The following NRSN1 variants were observed in gnomAD, a reference collection of about 807,000 sequenced individuals.
NRSN1 encodes neurensin 1.
Under a neutral mutation model 17.3 loss-of-function variants are expected in NRSN1, and 14 were observed. The ratio of observed to expected loss-of-function variants is 0.81; its 90% CI spans 0.54 to 1.27. The LOEUF is 1.27. Among genes scored for constraint, NRSN1 ranks in the 50% most tolerant of loss-of-function variants. The probability of loss-of-function intolerance (pLI) is 0.00; values close to 1 mark genes in which losing one functional copy is unlikely to be tolerated. For missense variants in NRSN1, 209 were observed against 235.9 expected, an observed-to-expected ratio of 0.89 and a Z score of 0.75; for synonymous variants, 79 against 94.2, an observed-to-expected ratio of 0.84 and a Z score of 0.93.
intron 3 of NRSN1, among the ~76,000 whole-genome samples, chr6:24,138,281 C>T (rs1166636812): frequency 6.6e-6 from 1 of 152,204 alleles, no homozygotes; most frequent in African/African-American, 2.4e-5. Context: ...ATTTATCCCA[C>T]TGCCTGCAGC....
chr6:24,141,302 C>T lies in NRSN1; in HGVS notation c.190-4246C>T, dbSNP rs546731525. 1.8e-4 allele frequency: 220 copies of T among 1,208,878 alleles called. 1 individual carries two copies. Among genetic ancestry groups the T allele is most frequent in the Non-Finnish European group, 7.2e-6 (7 of 966,320 alleles). 74.9% of individuals were successfully genotyped at this position (1,208,878 alleles called of 1,614,324 possible). On this transcript the variant is annotated intron_variant, in intron 3 of 3. Coordinates refer to ENST00000378491, the MANE Select transcript of NRSN1 (RefSeq NM_080723.5). ...TTATGATACTGTATGGAATTGCTCC[C>T]TCAATTTTTATCCTTTCCAGTACTC... is the stretch of plus-strand genomic sequence containing the variant.
chr6:24,134,599 G>C (rs933204108), intron 3 of NRSN1, 83 bp downstream of exon 3: 6 of 1,108,786 alleles, frequency 5.4e-6, no homozygotes, highest in Non-Finnish European at 8.0e-6. Context: ...GGATGGAGAG[G>C]TTTAGTACTC....
chr6:24,134,312 A>T lies in NRSN1; in HGVS notation c.-9-7A>T. 1 of 1,612,016 alleles carries T rather than the reference A, an allele frequency of 6.2e-7. No homozygotes were observed. Among genetic ancestry groups the T allele is most frequent in the Non-Finnish European group, 8.5e-7 (1 of 1,178,864 alleles). On this transcript the variant is annotated splice_polypyrimidine_tract_variant and splice_region_variant and intron_variant, in intron 2 of 3. Coordinates refer to ENST00000378491, the MANE Select transcript of NRSN1 (RefSeq NM_080723.5). ...GGCATTAATCCATGTGGATGTTGTC[A>T]TTCCAGCTGGGAAGGATGAGTTCTT...
intron 2 of NRSN1, chr6:24,128,672 T>G (rs1759987341): frequency 6.6e-6 from 1 of 152,216 alleles, no homozygotes; most frequent in Admixed American, 6.5e-5. Context: ...TGGTGTTGAA[T>G]AAGTGGTCTA....
chr6:24,136,715 TCA>T (rs769864355), intron 3 of NRSN1, among the ~76,000 whole-genome samples: 21 of 152,194 alleles, frequency 1.4e-4, no homozygotes, highest in Non-Finnish European at 2.2e-4. Flanking sequence ...AACAAATAAC[TCA>T]CAGTGAATTA....
rs557138414 is a variant in NRSN1 at position 24,146,890 on chromosome 6, A to G, written c.*944A>G. ...GGAAATTATTTAACCTCTCAGTCCT[A>G]ATTTTCCCCTTCTGTATAATGGGAG... On this transcript the variant is annotated 3_prime_UTR_variant, in exon 4 of 4. Transcript: ENST00000378491. 1 of 152,356 alleles carries G rather than the reference A, an allele frequency of 6.6e-6. No individual in the cohort carries two copies. Among genetic ancestry groups the G allele is most frequent in the South Asian group, 2.1e-4 (1 of 4,826 alleles). The allele number at this position is 152,356 out of a possible 1,614,324, so 9.4% of individuals were successfully genotyped here. A position where few individuals can be genotyped will look rare whatever the true frequency, so the allele number is the denominator to read the frequency against.
chr6:24,129,601 G>A (rs1360639091), intron 2 of NRSN1: 1 of 152,188 alleles, frequency 6.6e-6, no homozygotes, highest in Non-Finnish European at 1.5e-5. Context: ...ATGGAACGCT[G>A]ATATTTAGAT....
intron 3 of NRSN1, among the ~76,000 whole-genome samples, chr6:24,142,676 C>G (rs1047067607): frequency 3.3e-5 from 5 of 152,114 alleles, no homozygotes; most frequent in Non-Finnish European, 7.4e-5. Flanking sequence ...TCAGGCTTGT[C>G]TTGTGTCCAG....
At chr6:24,138,324 T>C (rs1760147604) in intron 3 of NRSN1, among the ~76,000 whole-genome samples, 2 of 152,308 alleles carry the variant, frequency 1.3e-5, no homozygotes, top group South Asian at 4.1e-4. Context: ...TGTAACACAG[T>C]CCCATCACCC....
chr6:24,143,416 C>T (rs1159260597), intron 3 of NRSN1, among the ~76,000 whole-genome samples: 1 of 152,208 alleles, frequency 6.6e-6, no homozygotes, highest in African/African-American at 2.4e-5. Flanking sequence ...AGCATTAGTG[C>T]AGGTCATAAT....
chr6:24,142,191 C>CCTTTTTTTTTTTTTTTT (rs1554140616), intron 3 of NRSN1, among the ~76,000 whole-genome samples: 1 of 44,446 alleles, frequency 2.2e-5, no homozygotes, highest in Non-Finnish European at 4.2e-5. Flanking sequence ...TACAGAACAG[C>CCTTTTTTTTTTTTTTTT]TTTTTTTTTT....
rs1760290263 is a variant in NRSN1, at chr6:24,145,590, A to G, written c.232A>G (p.Thr78Ala). ...TACAGTTTTTGTGATCCTCGGATTG[A>G]CTGTTCTGGCAGTGGGCTTTCTTGT... ...SGTVFVILGL[T>A]VLAVGFLVPP... is the part of the protein sequence containing the mutation. The change falls in exon 4 of 4, where the codon ACT (threonine) becomes GCT (alanine). Residue 78 changes from threonine (T) to alanine (A), a missense_variant. Transcript: ENST00000378491. This position sits in a 1 kb window ranked among gnomAD's most constrained non-coding sequence, Gnocchi z 4.4. The G allele has an allele frequency of 1.2e-6, 2 of 1,608,764 alleles. No homozygotes were observed. Among genetic ancestry groups the G allele is most frequent in the East Asian group, 2.2e-5 (1 of 44,778 alleles).
At chr6:24,139,782 C>G (rs1045062359) in intron 3 of NRSN1, among the ~76,000 whole-genome samples, 6 of 152,088 alleles carry the variant, frequency 3.9e-5, no homozygotes, top group African/African-American at 1.4e-4. Context: ...CTGAACCAGA[C>G]GTGGTGGTGT....
intron 3 of NRSN1, among the ~76,000 whole-genome samples, chr6:24,138,283 G>A (rs1199585447): frequency 6.6e-6 from 1 of 152,078 alleles, no homozygotes; most frequent in African/African-American, 2.4e-5. Context: ...TTATCCCACT[G>A]CCTGCAGCTG....
At chr6:24,127,925 AATT>A (rs1290760506) in intron 1 of NRSN1, among the ~76,000 whole-genome samples, 200 bp from the exon 2 acceptor site, 3 of 152,222 alleles carry the variant, frequency 2.0e-5, no homozygotes, top group Admixed American at 6.5e-5. Context: ...TCACTTTATA[AATT>A]ATTATGAGAA....
Position 24,146,679 on chromosome 6 carries a change from A to AT in NRSN1, c.*741dup, listed in dbSNP as rs57962509. Reference sequence around the variant, plus strand: ...GCACCTGCCACCACCCCCAGTTAATATTTTTTTTAATTTTTTTTAGAGGCA... The same window carrying AT: ...GCACCTGCCACCACCCCCAGTTAATATTTTTTTTTAATTTTTTTTAGAGGCA... On this transcript the variant is annotated 3_prime_UTR_variant, in exon 4 of 4. Coordinates refer to ENST00000378491, the MANE Select transcript of NRSN1 (RefSeq NM_080723.5). 0.024 allele frequency: 3,634 copies of AT among 153,286 alleles called. 146 individuals are homozygous for AT. The highest frequency in any genetic ancestry group is 0.083 in the African/African-American group (3,423 of 41,370). The allele number at this position is 153,286 out of a possible 1,614,324, so 9.5% of individuals were successfully genotyped here.
At chr6:24,126,401 C>T in intron 1 of NRSN1, 61 bp downstream of exon 1, 1 of 154,818 alleles carries the variant, frequency 6.5e-6, no homozygotes. Context: ...TGTCTTTCTC[C>T]AGTTCTCCCT....
At chr6:24,132,681 CT>C (rs1760054495) in intron 2 of NRSN1, among the ~76,000 whole-genome samples, 1 of 152,136 alleles carries the variant, frequency 6.6e-6, no homozygotes, top group African/African-American at 2.4e-5. Context: ...ATTATTTCCA[CT>C]TTTTAATATT....
At position 24,146,434 on chromosome 6, in the gene NRSN1, T is replaced by G. The variant is rs986321354; in HGVS notation, c.*488T>G. 11 of 369,676 alleles carry G rather than the reference T, an allele frequency of 3.0e-5. No homozygotes were observed. In the Middle Eastern group the frequency reaches 1.2e-3, roughly 40 times the overall value. The allele number at this position is 369,676 out of a possible 1,614,324, so 22.9% of individuals were successfully genotyped here. A position where few individuals can be genotyped will look rare whatever the true frequency, so the allele number is the denominator to read the frequency against. On this transcript the variant is annotated 3_prime_UTR_variant, in exon 4 of 4. Coordinates refer to ENST00000378491, the MANE Select transcript of NRSN1 (RefSeq NM_080723.5). ...TCTCTGATTTTGAGCCGAACATGAG[T>G]TTTTAGACTGTATCTTGACATGAGG...
Sources: allele counts gnomAD v4.1 joint callset (sites outside exome capture counted in the v4.1 genomes callset), GRCh38; gene constraint gnomAD v4.1.1; non-coding constraint Gnocchi (gnomAD v3.1); transcripts MANE v1.5; gene names NCBI Gene and HGNC (gene_info 2026-07-23, HGNC 2026-07-21).